The following PRRG1 variants were observed in gnomAD, a reference collection of about 807,000 sequenced individuals.
PRRG1 encodes the protein proline rich and Gla domain 1.
Under a neutral mutation model 11.8 loss-of-function variants are expected in PRRG1, and 5 were observed. The ratio of observed to expected loss-of-function variants is 0.42; its 90% confidence interval spans 0.22 to 0.89. The LOEUF is 0.89. PRRG1 is among the 40% of genes least tolerant of loss of function. The probability of loss-of-function intolerance (pLI) is 0.28; values close to 1 mark genes in which losing one functional copy is unlikely to be tolerated. For synonymous variants in PRRG1, 66 were observed against 60.4 expected (o/e 1.09, Z -0.43); for missense variants, 155 against 166.1 (o/e 0.93, Z 0.37).
At chrX:37,368,015 T>C (rs1458323420) in intron 1 of PRRG1, among the ~76,000 whole-genome samples, 2 of 112,238 alleles carry the variant, frequency 1.8e-5, no homozygotes, top group African/African-American at 6.5e-5. Flanking sequence ...CCCAAAACTG[T>C]ATTCTAATTT....
At chrX:37,363,324 CTT>C (rs1424615055) in intron 1 of PRRG1, among the ~76,000 whole-genome samples, 1 of 111,620 alleles carries the variant, frequency 9.0e-6, no homozygotes, top group Non-Finnish European at 1.9e-5. Flanking sequence ...TACAGTAAGA[CTT>C]TGTGTTTACG....
chrX:37,386,373 A>G (rs1325055835), intron 1 of PRRG1, among the ~76,000 whole-genome samples: 1 of 111,776 alleles, frequency 8.9e-6, no homozygotes, highest in Non-Finnish European at 1.9e-5. Context: ...TTTGAAGTGT[A>G]CAACTGGAGA....
chrX:37,368,005 C>T (rs1288257523), intron 1 of PRRG1, among the ~76,000 whole-genome samples: 6 of 111,710 alleles, frequency 5.4e-5, no homozygotes, highest in African/African-American at 2.0e-4. Context: ...TCCTGGGTTC[C>T]CCAAAACTGT....
chrX:37,450,301 C>T (rs1556396205), intron 3 of PRRG1, among the ~76,000 whole-genome samples: 1 of 112,043 alleles, frequency 8.9e-6, no homozygotes, highest in Non-Finnish European at 1.9e-5. Context: ...TCCCTTTCCT[C>T]ATCTGCAAAG....
chrX:37,357,494 A>G, intron 1 of PRRG1, among the ~76,000 whole-genome samples: 1 of 112,212 alleles, frequency 8.9e-6, no homozygotes, highest in African/African-American at 3.2e-5. Context: ...CAGTTACCCA[A>G]GGTCAACTAT....
Position 37,453,942 on chromosome X carries a change from C to T in PRRG1, c.*321C>T, listed in dbSNP as rs1921257047. 7.0e-6 allele frequency: 1 copy of T among 142,900 alleles called. No individual in the cohort carries two copies. The highest frequency in any genetic ancestry group is 1.4e-5 in the Non-Finnish European group (1 of 73,185). 11.8% of individuals were successfully genotyped at this position (142,900 alleles called of 1,213,427 possible). A position where few individuals can be genotyped will look rare whatever the true frequency, so the allele number is the denominator to read the frequency against. On this transcript the variant is annotated 3_prime_UTR_variant, in exon 4 of 4. Coordinates refer to ENST00000378628, the MANE Select transcript of PRRG1 (RefSeq NM_001142395.2). ...ATGCATCAACACAGTATATGTAAAA[C>T]TGTCTTAAAAATCCATTAACTTCTA... is the stretch of plus-strand genomic sequence containing the variant.
intron 1 of PRRG1, among the ~76,000 whole-genome samples, chrX:37,387,685 C>G (rs1931376360): frequency 9.0e-6 from 1 of 111,439 alleles, no homozygotes; most frequent in Admixed American, 9.5e-5. Context: ...CAGGACCCAC[C>G]TCCTTGATTG....
intron 1 of PRRG1, among the ~76,000 whole-genome samples, chrX:37,402,832 C>T (rs1290515408): frequency 9.0e-6 from 1 of 111,525 alleles, no homozygotes; most frequent in Non-Finnish European, 1.9e-5. Context: ...CATGAACAGA[C>T]ACTTCTCAAA....
At chrX:37,353,064 A>G (rs1356147235) in intron 1 of PRRG1, among the ~76,000 whole-genome samples, 2 of 111,969 alleles carry the variant, frequency 1.8e-5, no homozygotes, top group East Asian at 5.5e-4. Context: ...AGCCTCAGAC[A>G]GGTCCTTCAG....
intron 3 of PRRG1, among the ~76,000 whole-genome samples, chrX:37,435,678 A>G (rs925636357): frequency 4.8e-4 from 53 of 111,275 alleles, no homozygotes; most frequent in African/African-American, 1.7e-3. Context: ...CCAAAAACCA[A>G]AAGACATTCT....
chrX:37,380,419 G>A (rs1218742672), intron 1 of PRRG1, among the ~76,000 whole-genome samples: 1 of 111,789 alleles, frequency 8.9e-6, no homozygotes, highest in Non-Finnish European at 1.9e-5. Context: ...ATTAGATTAA[G>A]AATCAGACCT....
At chrX:37,434,282 C>T (rs781824745) in intron 3 of PRRG1, among the ~76,000 whole-genome samples, 376 of 111,971 alleles carry the variant, frequency 3.4e-3, no homozygotes, top group Non-Finnish European at 5.0e-3. Context: ...TTGTACTTCA[C>T]GGTCCTCATT....
intron 2 of PRRG1, among the ~76,000 whole-genome samples, chrX:37,411,092 A>C (rs1208609478): frequency 8.9e-6 from 1 of 111,988 alleles, no homozygotes; most frequent in Non-Finnish European, 1.9e-5. Context: ...GATTCAACCA[A>C]CCATGGATCG....
intron 1 of PRRG1, among the ~76,000 whole-genome samples, chrX:37,397,172 T>G (rs1556378454): frequency 8.9e-6 from 1 of 112,780 alleles, no homozygotes; most frequent in Non-Finnish European, 1.9e-5. Flanking sequence ...GTTATGTATT[T>G]TATATACATT....
At chrX:37,362,569 C>T (rs180765661) in intron 1 of PRRG1, among the ~76,000 whole-genome samples, 7 of 111,640 alleles carry the variant, frequency 6.3e-5, no homozygotes, top group Non-Finnish European at 1.1e-4. Context: ...TGTGCCTAAC[C>T]TTTCTTCTGT....
intron 1 of PRRG1, chrX:37,403,679 G>T (rs868952835): frequency 3.9e-6 from 2 of 508,766 alleles, no homozygotes; most frequent in South Asian, 1.1e-4. Flanking sequence ...AAAATAAAAT[G>T]AATCTTAACA....
At chrX:37,407,355 A>G (rs1387583682) in intron 2 of PRRG1, among the ~76,000 whole-genome samples, 9 of 112,457 alleles carry the variant, frequency 8.0e-5, no homozygotes, top group African/African-American at 2.9e-4. Flanking sequence ...CCACAGTCAC[A>G]TGTCTCCCAA....
At chrX:37,349,673 A>G (rs928584721) in intron 1 of PRRG1, among the ~76,000 whole-genome samples, 28 of 111,675 alleles carry the variant, frequency 2.5e-4, no homozygotes, top group African/African-American at 8.8e-4. Context: ...CAGACTGGGC[A>G]GGACCGCGAG....
intron 1 of PRRG1, among the ~76,000 whole-genome samples, chrX:37,386,049 A>G (rs1469217109): frequency 8.9e-6 from 1 of 112,003 alleles, no homozygotes; most frequent in African/African-American, 3.2e-5. Flanking sequence ...GGCGTGAGCT[A>G]CTGGTGCCCA....
Sources: gnomAD v4.1 joint callset for allele counts (sites outside exome capture counted in the v4.1 genomes callset) on GRCh38, gnomAD v4.1.1 for gene constraint, MANE v1.5 for transcripts, NCBI Gene and HGNC (gene_info 2026-07-23, HGNC 2026-07-21) for gene names.